Variants in ATP5F1B observed in about 807,000 individuals in gnomAD.
ATP5F1B encodes ATP synthase F1 subunit beta.
A neutral mutation model predicts 45.9 loss-of-function variants in ATP5F1B; 17 were observed. That is an observed-to-expected ratio of 0.37 (90% CI 0.25 to 0.56). ATP5F1B has a LOEUF of 0.56. Among genes scored for constraint, ATP5F1B ranks in the 20% least tolerant of loss-of-function variants. The probability of loss-of-function intolerance (pLI) is 0.80; values close to 1 mark genes in which losing one functional copy is unlikely to be tolerated. For missense variants in ATP5F1B, 387 were observed against 673.2 expected (o/e 0.57, Z 4.70); for synonymous variants, 218 against 256.5 (o/e 0.85, Z 1.43).
intron 8 of ATP5F1B, 85 bp downstream of exon 8, chr12:56,639,895 C>T (rs1951499207): frequency 7.0e-7 from 1 of 1,425,298 alleles, no homozygotes; most frequent in East Asian, 2.3e-5. Context: ...AAACAAATCA[C>T]TAAGAAAGAT....
intron 8 of ATP5F1B, 96 bp from the exon 9 acceptor site, chr12:56,639,403 G>A: frequency 8.3e-7 from 1 of 1,201,992 alleles, no homozygotes; most frequent in Non-Finnish European, 1.2e-6. Flanking sequence ...CAGAGAAGGT[G>A]GTGGTGTTAT....
In ATP5F1B at chr12:56,638,282, T is replaced by G. The variant is rs970683858; in HGVS notation, c.*41A>C. ...ACACAGAAAAATGAAGCTTTTTGGGTTAGGGGCAAGGAGAGAGACAGTACA... is the reference window on the plus strand; with the variant it reads ...ACACAGAAAAATGAAGCTTTTTGGGGTAGGGGCAAGGAGAGAGACAGTACA... On this transcript the variant is annotated 3_prime_UTR_variant, in exon 10 of 10. Transcript: ENST00000262030. The G allele has an allele frequency of 1.3e-6, 2 of 1,544,710 alleles. No individual in the cohort carries two copies. The highest frequency in any genetic ancestry group is 1.1e-5 in the South Asian group (1 of 87,130).
chr12:56,638,820 C>A (rs1465002581), intron 9 of ATP5F1B, among the ~76,000 whole-genome samples: 1 of 152,114 alleles, frequency 6.6e-6, no homozygotes, highest in African/African-American at 2.4e-5. Flanking sequence ...CACTTGAACC[C>A]GGCAGGTGGA....
chr12:56,643,356 T>C (rs1951526531), intron 5 of ATP5F1B, 47 bp downstream of exon 5: 1 of 1,504,764 alleles, frequency 6.6e-7, no homozygotes, highest in Non-Finnish European at 9.0e-7. Context: ...TTGGCAATAG[T>C]TTCCTGGCGT....
chr12:56,643,054 A>G, intron 5 of ATP5F1B: 1 of 559,878 alleles, frequency 1.8e-6, no homozygotes, highest in Non-Finnish European at 3.1e-6. Context: ...AAACCTATTC[A>G]AGTTAAGTGA....
chr12:56,640,870 TA>T (rs59336396), intron 7 of ATP5F1B, among the ~76,000 whole-genome samples: 2,687 of 99,478 alleles, frequency 0.027, 73 homozygotes, highest in African/African-American at 0.088. Context: ...GGGTCTCTAC[TA>T]AAAAAAAAAA....
chr12:56,645,445 AGCCGAAG>A (rs1951542399), intron 1 of ATP5F1B, 92 bp from the exon 2 acceptor site: 1 of 1,374,190 alleles, frequency 7.3e-7, no homozygotes, highest in Non-Finnish European at 9.8e-7. Context: ...AGGAAAACTC[AGCCGAAG>A]TCAGGCCTCT....
chr12:56,641,740 T>C (rs759360737), intron 7 of ATP5F1B, among the ~76,000 whole-genome samples: 3 of 151,078 alleles, frequency 2.0e-5, no homozygotes, highest in African/African-American at 7.3e-5. Flanking sequence ...TTAGTAGAGA[T>C]GGGGTTTCAC....
chr12:56,645,280 A>T lies in ATP5F1B; in HGVS notation c.201T>A (p.Ile67=). 6.2e-7 allele frequency: 1 copy of T among 1,614,196 alleles called. No individual in the cohort carries two copies. The highest frequency in any genetic ancestry group is 2.2e-5 in the East Asian group (1 of 44,886). Residue 67 remains isoleucine (I), a synonymous_variant, in exon 2 of 10, where the codon ATT becomes ATA. Transcript: ENST00000262030. ...GAATGRIVAV[I]GAVVDVQFDE... ...CAAACTGGACGTCCACCACTGCGCC[A>T]ATGACCGCCACGATGCGCCCGGTGG...
chr12:56,642,939 C>G, intron 5 of ATP5F1B, 108 bp from the exon 6 acceptor site: 2 of 1,290,256 alleles, frequency 1.6e-6, no homozygotes, highest in Non-Finnish European at 2.1e-6. Flanking sequence ...CAGAAGGTGT[C>G]AGCGTTTTTG....
intron 1 of ATP5F1B, 57 bp downstream of exon 1, chr12:56,645,780 G>GA: frequency 6.3e-7 from 1 of 1,585,916 alleles, no homozygotes; most frequent in Non-Finnish European, 8.6e-7. Context: ...ATCGTTCCCC[G>GA]GCTCAAGGTC....
Position 56,638,260 on chromosome 12 carries a change from C to T in ATP5F1B, c.*63G>A, listed in dbSNP as rs1062544. ...AATCAAGGCTCTTGTGCAGCCTACA[C>T]AGAAAAATGAAGCTTTTTGGGTTAG... On this transcript the variant is annotated 3_prime_UTR_variant, in exon 10 of 10. Transcript: ENST00000262030. 30 of 1,404,252 alleles carry T rather than the reference C, an allele frequency of 2.1e-5. No homozygotes were observed. The highest frequency in any genetic ancestry group is 2.9e-5 in the Non-Finnish European group (29 of 999,264). 87.0% of individuals were successfully genotyped at this position (1,404,252 alleles called of 1,614,324 possible).
chr12:56,643,991 C>T (rs1438842080), intron 3 of ATP5F1B, 33 bp from the exon 4 acceptor site: 1 of 1,605,518 alleles, frequency 6.2e-7, no homozygotes. Flanking sequence ...AGTATCTATT[C>T]ACCTTGTTGA....
chr12:56,645,150 T>G (rs2137547890), intron 2 of ATP5F1B, 21 bp downstream of exon 2: 1 of 1,614,044 alleles, frequency 6.2e-7, no homozygotes, highest in Non-Finnish European at 8.5e-7. Context: ...GTCTTTACTA[T>G]TCCTAACAAA....
Position 56,645,932 on chromosome 12 carries a change from G to A in ATP5F1B, c.32C>T (p.Ala11Val), listed in dbSNP as rs1259301376. The A allele has an allele frequency of 1.9e-6, 3 of 1,606,466 alleles. No individual in the cohort carries two copies. The highest frequency in any genetic ancestry group is 2.5e-6 in the Non-Finnish European group (3 of 1,177,172). MLGFVGRVAA[A>V]PASGALRRLT... ...TCTCCGCAAGGCCCCGGAGGCCGGA[G>A]CAGCGGCCACCCGACCCACAAACCC... The change falls in exon 1 of 10, where the codon GCT (alanine) becomes GTT (valine). Residue 11 changes from alanine to valine, a missense_variant. This residue lies in a region of ATP5F1B where 76 missense variants were observed against 62.0 expected (regional missense o/e 1.23). Transcript: ENST00000262030.
At chr12:56,643,135 A>T (rs145140158) in intron 5 of ATP5F1B, 15 of 484,420 alleles carry the variant, frequency 3.1e-5, no homozygotes, top group Middle Eastern at 5.4e-4. Flanking sequence ...TTAGCTTTCA[A>T]ATGATGGGAC....
At chr12:56,640,807 G>A (rs955641925) in intron 7 of ATP5F1B, among the ~76,000 whole-genome samples, 1 of 151,050 alleles carries the variant, frequency 6.6e-6, no homozygotes, top group African/African-American at 2.4e-5. Context: ...AGCACTTTGG[G>A]AGGCCAAGGA....
At position 56,642,849 on chromosome 12, in the gene ATP5F1B, A is replaced by T; in HGVS notation, c.793-18T>A. The T allele has an allele frequency of 6.8e-6, 11 of 1,613,750 alleles. No individual in the cohort carries two copies. The highest frequency in any genetic ancestry group is 8.5e-6 in the Non-Finnish European group (10 of 1,179,814). On this transcript the variant is annotated intron_variant, in intron 5 of 9. Coordinates refer to ENST00000262030, the MANE Select transcript of ATP5F1B (RefSeq NM_001686.4). ...AGCGCTACCTGCAGTAATCATACATAATCGTAAAACCTGACAAAGGAGTAG... is the reference window on the plus strand; with the variant it reads ...AGCGCTACCTGCAGTAATCATACATTATCGTAAAACCTGACAAAGGAGTAG...
At chr12:56,640,268 G>A (rs558438066) in intron 7 of ATP5F1B, 76 bp from the exon 8 acceptor site, 32 of 1,305,754 alleles carry the variant, frequency 2.5e-5, no homozygotes, top group Admixed American at 1.9e-4. Context: ...TCGCTCTGTC[G>A]CCCAGGCTGG....
Sources: gnomAD v4.1 joint callset for allele counts (sites outside exome capture counted in the v4.1 genomes callset) on GRCh38, gnomAD v4.1.1 for gene constraint, gnomAD v4.1.1 regional missense constraint, MANE v1.5 for transcripts, NCBI Gene and HGNC (gene_info 2026-07-23, HGNC 2026-07-21) for gene names.